Variants in PRR14 observed in about 807,000 individuals in gnomAD.
PRR14 encodes proline-rich protein 14.
Under a neutral mutation model 57.2 loss-of-function variants are expected in PRR14, and 33 were observed. The observed-to-expected ratio is 0.58, with a 90% CI of 0.44 to 0.77. The LOEUF (loss-of-function observed/expected upper bound fraction) is 0.77, where lower values mean the gene tolerates loss of function less well. PRR14 is among the 30% of genes least tolerant of loss of function. The probability of loss-of-function intolerance (pLI) is 0.00; values close to 1 mark genes in which losing one functional copy is unlikely to be tolerated. For synonymous variants in PRR14, 303 were observed against 314.7 expected, an observed-to-expected ratio of 0.96 and a Z score of 0.39; for missense variants, 716 against 788.1, an observed-to-expected ratio of 0.91 and a Z score of 1.10.
rs767446194 is a variant in PRR14, at chr16:30,651,632, C to T, written c.-14C>T. The T allele has an allele frequency of 1.1e-5, 18 of 1,594,258 alleles. No individual in the cohort carries two copies. Among genetic ancestry groups the T allele is most frequent in the Non-Finnish European group, 1.4e-5 (16 of 1,169,706 alleles). ...GGATTCCCCAGGGACCCCCCCGGAG[C>T]CGCCGCGTCTCCCATGGACTTGCCC... is the stretch of plus-strand genomic sequence containing the variant. On this transcript the variant is annotated 5_prime_UTR_variant, in exon 2 of 12. Coordinates refer to ENST00000300835, the MANE Select transcript of PRR14 (RefSeq NM_024031.5). The surrounding 1 kb of genome is among the most constrained non-coding windows in gnomAD (Gnocchi z 5.0).
chr16:30,652,052 A>G lies in PRR14; in HGVS notation c.192+88A>G, dbSNP rs2052319080. On this transcript the variant is annotated intron_variant, in intron 3 of 11. Coordinates refer to ENST00000300835, the MANE Select transcript of PRR14 (RefSeq NM_024031.5). Reference sequence around the variant, plus strand: ...GCCAGATCCCTACTGAGGATAACTGAAGTCCAAATCCATCATTGTTGTACT... The same window carrying G: ...GCCAGATCCCTACTGAGGATAACTGGAGTCCAAATCCATCATTGTTGTACT... 10 of 1,385,064 alleles carry G rather than the reference A, an allele frequency of 7.2e-6. No individual in the cohort carries two copies. In the South Asian group the frequency reaches 1.3e-4, roughly 18 times the overall value. The allele number at this position is 1,385,064 out of a possible 1,614,324, so 85.8% of individuals were successfully genotyped here.
In PRR14 at chr16:30,652,984, C is replaced by T. The variant is rs143201279; in HGVS notation, c.385C>T (p.Arg129Trp). 69 of 1,614,154 alleles carry T rather than the reference C, an allele frequency of 4.3e-5. No homozygotes were observed. In the Admixed American group the frequency reaches 4.8e-4, roughly 11 times the overall value. ...RIHRTSSTLR[R>W]RSRTTPGPEE... ...CCACCGGACCTCTTCCACCCTGAGG[C>T]GGCGATCAAGGACAACCCCTGGCCC... The change falls in exon 5 of 12, where the codon CGG becomes TGG. Residue 129 changes from arginine to tryptophan, a missense_variant. Physicochemically the swap from Arg to Trp is moderately radical, Grantham distance 101. Transcript: ENST00000300835.
At chr16:30,652,075 A>T in intron 3 of PRR14, 111 bp downstream of exon 3, 2 of 1,251,358 alleles carry the variant, frequency 1.6e-6, no homozygotes, top group Non-Finnish European at 2.2e-6. Context: ...TCATTGTTGT[A>T]CTCAGCCCTC....
At chr16:30,654,378 C>T in intron 7 of PRR14, 39 bp downstream of exon 7, 5 of 1,506,070 alleles carry the variant, frequency 3.3e-6, no homozygotes, top group Non-Finnish European at 4.6e-6. Flanking sequence ...ACTTGGGTGT[C>T]TGGGACATCC....
intron 3 of PRR14, chr16:30,652,252 C>A (rs2052321018): frequency 3.4e-6 from 2 of 582,836 alleles, no homozygotes; most frequent in East Asian, 3.6e-5. Context: ...TTTTTAGAGA[C>A]AGGGTCTTGC....
chr16:30,654,400 G>A (rs1567539065), intron 7 of PRR14, 61 bp downstream of exon 7: 1 of 1,388,218 alleles, frequency 7.2e-7, no homozygotes, highest in Admixed American at 1.7e-5. Context: ...AGTTGAGCTT[G>A]GAAGTGTCAG....
At position 30,651,004 on chromosome 16, in the gene PRR14, G is replaced by C; in HGVS notation, c.-174G>C. 1 of 456,186 alleles carries C rather than the reference G, an allele frequency of 2.2e-6. No individual in the cohort carries two copies. The highest frequency in any genetic ancestry group is 4.4e-6 in the Non-Finnish European group (1 of 226,546). The allele number at this position is 456,186 out of a possible 1,614,324, so 28.3% of individuals were successfully genotyped here. The stretch of plus-strand genomic sequence containing the variant: ...TATCTGCTTGACAGTGGATCCCTGG[G>C]GATCTACGCTGAGTTCGGAGATGCT... On this transcript the variant is annotated 5_prime_UTR_variant, in exon 1 of 12. Coordinates refer to ENST00000300835, the MANE Select transcript of PRR14 (RefSeq NM_024031.5). This position sits in a 1 kb window ranked among gnomAD's most constrained non-coding sequence, Gnocchi z 5.0.
Position 30,652,014 on chromosome 16 carries a change from C to A in PRR14, c.192+50C>A. On this transcript the variant is annotated intron_variant, in intron 3 of 11. Transcript: ENST00000300835. ...CTCTATTCCCCCATGACTTTCCTCA[C>A]TACCAAACTCGGGCCAGATCCCTAC... The A allele has an allele frequency of 2.7e-6, 4 of 1,506,832 alleles. No homozygotes were observed. The South Asian group carries it at 5.3e-5, about 20-fold the overall frequency. 93.3% of individuals were successfully genotyped at this position (1,506,832 alleles called of 1,614,324 possible).
rs959218975 is a variant in PRR14 at position 30,653,425 on chromosome 16, A to G, written c.548+17A>G. On this transcript the variant is annotated intron_variant, in intron 6 of 11. Coordinates refer to ENST00000300835, the MANE Select transcript of PRR14 (RefSeq NM_024031.5). ...AGCACAAAGGTGAGAGGGCTGGAGT[A>G]GGGATTATCAAAGGATCCAGGCAAC... The G allele has an allele frequency of 2.5e-6, 4 of 1,612,008 alleles. No individual in the cohort carries two copies. The highest frequency in any genetic ancestry group is 3.4e-6 in the Non-Finnish European group (4 of 1,178,456).
Position 30,653,077 on chromosome 16 carries a change from A to G in PRR14, c.478A>G (p.Ile160Val). 2 of 1,612,244 alleles carry G rather than the reference A, an allele frequency of 1.2e-6. No individual in the cohort carries two copies. Among genetic ancestry groups the G allele is most frequent in the South Asian group, 2.2e-5 (2 of 90,912 alleles). Reference protein sequence around the residue: ...QPTLVVMLEDIASPRPPAEGF... With the variant: ...QPTLVVMLEDVASPRPPAEGF... ...CACCCTGGTGGTGATGCTGGAAGAC[A>G]TCGCCAGTCCTAGACCCCCCGCTGA... Residue 160 changes from isoleucine (I) to valine (V), a missense_variant, in exon 5 of 12, where the codon ATC (isoleucine) becomes GTC (valine). Ile to Val is a conservative substitution (Grantham distance 29, BLOSUM62 3). Transcript: ENST00000300835.
In PRR14 at chr16:30,653,086, C is replaced by G; in HGVS notation, c.487C>G (p.Pro163Ala). ...GGTGATGCTGGAAGACATCGCCAGT[C>G]CTAGACCCCCCGCTGAGGTATGGGA... ...LVVMLEDIAS[P>A]RPPAEGFIDE... The change falls in exon 5 of 12, where the codon CCT becomes GCT. Residue 163 changes from proline to alanine, a missense_variant. Physicochemically the swap from Pro to Ala is conservative, Grantham distance 27. Coordinates refer to ENST00000300835, the MANE Select transcript of PRR14 (RefSeq NM_024031.5). 6.2e-7 allele frequency: 1 copy of G among 1,607,462 alleles called. No homozygotes were observed. The highest frequency in any genetic ancestry group is 8.5e-7 in the Non-Finnish European group (1 of 1,176,498).
Position 30,652,841 on chromosome 16 carries a change from A to AGGTGAGCATGGCAGGATGGG in PRR14, c.314+3_314+22dup. On this transcript the variant is annotated stop_gained and frameshift_variant and splice_region_variant, in exon 4 of 12. Transcript: ENST00000300835. LOFTEE classifies it high-confidence loss of function. ...GCAGGCCGGGTGGTCCTCGCAGGCC[A>AGGTGAGCATGGCAGGATGGG]GGTGAGCATGGCAGGATGGGGGTAA... The AGGTGAGCATGGCAGGATGGG allele has an allele frequency of 6.2e-7, 1 of 1,614,108 alleles. No individual in the cohort carries two copies. The highest frequency in any genetic ancestry group is 8.5e-7 in the Non-Finnish European group (1 of 1,180,012).
chr16:30,655,704 C>G lies in PRR14; in HGVS notation c.1406+111C>G, dbSNP rs138856824. On this transcript the variant is annotated intron_variant, in intron 10 of 11. Transcript: ENST00000300835. The surrounding 1 kb of genome is among the most constrained non-coding windows in gnomAD (Gnocchi z 4.6). ...GGAGCACAGTCCAGCCTGAAAGATT[C>G]AATTCGGTGTGGGGATGGTTTGTGC... is the stretch of plus-strand genomic sequence containing the variant. The G allele has an allele frequency of 1.3e-5, 17 of 1,304,192 alleles. No individual in the cohort carries two copies. The East Asian group carries it at 3.8e-4, about 29-fold the overall frequency. 80.8% of individuals were successfully genotyped at this position (1,304,192 alleles called of 1,614,324 possible). A position where few individuals can be genotyped will look rare whatever the true frequency, so the allele number is the denominator to read the frequency against.
rs1223179286 is a variant in PRR14 at position 30,655,103 on chromosome 16, C to G, written c.1133C>G (p.Pro378Arg). The change falls in exon 8 of 12, where the codon CCC (proline) becomes CGC (arginine). Residue 378 changes from proline (P) to arginine (R), a missense_variant. Transcript: ENST00000300835. The surrounding 1 kb of genome is among the most constrained non-coding windows in gnomAD (Gnocchi z 4.6). ...EMARAPPPPR[P>R]CLRKEVFPLG... is the part of the protein sequence containing the mutation. ...GCCCGAGCCCCGCCACCCCCTCGGCCCTGTCTCCGGAAAGAGGTCTTCCCT... is the reference window on the plus strand; with the variant it reads ...GCCCGAGCCCCGCCACCCCCTCGGCGCTGTCTCCGGAAAGAGGTCTTCCCT... 1 of 1,611,858 alleles carries G rather than the reference C, an allele frequency of 6.2e-7. No homozygotes were observed. The highest frequency in any genetic ancestry group is 2.2e-5 in the East Asian group (1 of 44,898).
chr16:30,654,970 T>C lies in PRR14; in HGVS notation c.1000T>C (p.Cys334Arg). ...PKPSLGRSYS[C>R]PDLGPPGPGT... ...GCCCTCTCTGGGCCGAAGCTACTCC[T>C]GCCCTGATCTGGGGCCCCCTGGCCC... The change falls in exon 8 of 12, where the codon TGC (cysteine) becomes CGC (arginine). Residue 334 changes from cysteine (C) to arginine (R), a missense_variant. Cys to Arg is a radical substitution (Grantham distance 180). Coordinates refer to ENST00000300835, the MANE Select transcript of PRR14 (RefSeq NM_024031.5). The C allele has an allele frequency of 1.2e-6, 2 of 1,611,290 alleles. No individual in the cohort carries two copies. The highest frequency in any genetic ancestry group is 1.7e-6 in the Non-Finnish European group (2 of 1,179,998).
At chr16:30,653,541 G>A (rs2052335264) in intron 6 of PRR14, 133 bp downstream of exon 6, 8 of 912,228 alleles carry the variant, frequency 8.8e-6, no homozygotes, top group African/African-American at 1.6e-5. Context: ...AAGGGGCCGG[G>A]CACGCCCATG....
rs751165727 is a variant in PRR14, at chr16:30,652,822, C to T, written c.294C>T (p.Ala98=). 3.3e-5 allele frequency: 53 copies of T among 1,614,044 alleles called. No homozygotes were observed. Among genetic ancestry groups the T allele is most frequent in the Middle Eastern group, 1.6e-4 (1 of 6,084 alleles). The change falls in exon 4 of 12, where the codon GCC becomes GCT. Residue 98 remains alanine, a synonymous_variant. Transcript: ENST00000300835. ...CGCCTGCCTCGCCACCCCGGCAGGCCGGGTGGTCCTCGCAGGCCAGGTGAG... is the reference window on the plus strand; with the variant it reads ...CGCCTGCCTCGCCACCCCGGCAGGCTGGGTGGTCCTCGCAGGCCAGGTGAG... ...RQPPASPPRQ[A]GWSSQARPPD...
Position 30,651,488 on chromosome 16 carries a change from G to A in PRR14, c.-50-108G>A. Reference sequence around the variant, plus strand: ...CCGGGGGCGCCCTTTCGCGCCCCAGGGCTGCGGCCGCTGGGCTACGGGGAG... The same window carrying A: ...CCGGGGGCGCCCTTTCGCGCCCCAGAGCTGCGGCCGCTGGGCTACGGGGAG... On this transcript the variant is annotated intron_variant, in intron 1 of 11. Coordinates refer to ENST00000300835, the MANE Select transcript of PRR14 (RefSeq NM_024031.5). This position sits in a 1 kb window ranked among gnomAD's most constrained non-coding sequence, Gnocchi z 5.0. 1.8e-6 allele frequency: 1 copy of A among 554,708 alleles called. No homozygotes were observed. Among genetic ancestry groups the A allele is most frequent in the South Asian group, 2.5e-5 (1 of 40,360 alleles). 34.4% of individuals were successfully genotyped at this position (554,708 alleles called of 1,614,324 possible). A position where few individuals can be genotyped will look rare whatever the true frequency, so the allele number is the denominator to read the frequency against.
In PRR14 at chr16:30,654,792, A is replaced by ACCCCCCTCCCCCC; in HGVS notation, c.827_828insCTCCCCCCCCCCC (p.Met280ProfsTer23). The stretch of plus-strand genomic sequence containing the variant: ...CGCCCAACAAAACCCCACAGCCCCC[A>ACCCCCCTCCCCCC]CCCCCGTCCCCCCCAATGAAGCTGG... On this transcript the variant is annotated frameshift_variant, in exon 8 of 12. Coordinates refer to ENST00000300835, the MANE Select transcript of PRR14 (RefSeq NM_024031.5). LOFTEE classifies it high-confidence loss of function. The ACCCCCCTCCCCCC allele has an allele frequency of 2.2e-6, 1 of 462,456 alleles. No homozygotes were observed. Among genetic ancestry groups the ACCCCCCTCCCCCC allele is most frequent in the Non-Finnish European group, 3.5e-6 (1 of 285,638 alleles). The allele number at this position is 462,456 out of a possible 1,614,324, so 28.6% of individuals were successfully genotyped here. A position where few individuals can be genotyped will look rare whatever the true frequency, so the allele number is the denominator to read the frequency against.
Sources: gnomAD v4.1 joint callset for allele counts on GRCh38, gnomAD v4.1.1 for gene constraint, Gnocchi (gnomAD v3.1) non-coding constraint, MANE v1.5 for transcripts, NCBI Gene and HGNC (gene_info 2026-07-23, HGNC 2026-07-21) for gene names.